The following VSTM2B variants were observed in gnomAD, a reference collection of about 807,000 sequenced individuals.
VSTM2B encodes V-set and transmembrane domain-containing protein 2B.
Under a neutral mutation model 24.0 loss-of-function variants are expected in VSTM2B, and 24 were observed. That is an observed-to-expected ratio of 1.00 (90% CI 0.72 to 1.40). The LOEUF (loss-of-function observed/expected upper bound fraction) is 1.40. Ranked by LOEUF, VSTM2B falls within the 40% of genes most tolerant of loss-of-function variation. The pLI, the probability that VSTM2B is intolerant of heterozygous loss-of-function variation, is 0.00. For missense variants in VSTM2B, 399 were observed against 416.4 expected (o/e 0.96, Z 0.36); for synonymous variants, 226 against 194.4 (o/e 1.16, Z -1.35).
In VSTM2B at chr19:29,547,574, G is replaced by A. The variant is rs534568292; in HGVS notation, c.770-16272G>A. On this transcript the variant is annotated intron_variant, in intron 4 of 4. Transcript: ENST00000335523. ...TTTTGGGTGGGGCTGCTTGCTGGGG[G>A]CTGAGGAGAGAGGGAGGCCCTAGGC... Among the ~76,000 whole-genome samples the A allele has an allele frequency of 1.4e-4, 22 of 152,304 alleles. No individual in the cohort carries two copies. The South Asian group carries it at 4.4e-3, about 30-fold the overall frequency.
intron 4 of VSTM2B, among the ~76,000 whole-genome samples, chr19:29,552,944 T>C (rs1970320145): frequency 6.6e-6 from 1 of 152,114 alleles, no homozygotes; most frequent in South Asian, 2.1e-4. Flanking sequence ...GCCAGGCGTA[T>C]AGGGACAGAG....
At chr19:29,548,299 A>T (rs949875159) in intron 4 of VSTM2B, among the ~76,000 whole-genome samples, 1 of 152,080 alleles carries the variant, frequency 6.6e-6, no homozygotes, top group Non-Finnish European at 1.5e-5. Context: ...CAGGGCCTGG[A>T]AGCGAGGGAC....
intron 4 of VSTM2B, among the ~76,000 whole-genome samples, chr19:29,533,629 C>T (rs545978114): frequency 2.6e-4 from 39 of 152,352 alleles, no homozygotes; most frequent in African/African-American, 8.2e-4. Flanking sequence ...CAAACACATC[C>T]GAACAGCCTT....
chr19:29,528,610 G>C (rs1568436068), intron 3 of VSTM2B, 148 bp downstream of exon 3: 2 of 992,480 alleles, frequency 2.0e-6, no homozygotes, highest in Admixed American at 2.6e-5. Context: ...GTGGCTGCTC[G>C]GCGTGTCCGG....
chr19:29,531,831 T>C (rs988867146), intron 4 of VSTM2B, among the ~76,000 whole-genome samples: 2 of 152,246 alleles, frequency 1.3e-5, no homozygotes, highest in African/African-American at 4.8e-5. Flanking sequence ...ATATTCCTCG[T>C]TCATATCAAG....
At chr19:29,538,884 C>T (rs879503322) in intron 4 of VSTM2B, among the ~76,000 whole-genome samples, 5 of 152,132 alleles carry the variant, frequency 3.3e-5, no homozygotes, top group African/African-American at 4.8e-5. Context: ...TACCTCCCAC[C>T]GGGACCCACC....
At chr19:29,530,913 C>T (rs114568055) in intron 4 of VSTM2B, among the ~76,000 whole-genome samples, 3,875 of 151,492 alleles carry the variant, frequency 0.026, 156 homozygotes, top group African/African-American at 0.087. Context: ...GCAGTAAGGA[C>T]TGAGCCCTAA....
intron 4 of VSTM2B, among the ~76,000 whole-genome samples, chr19:29,535,418 CTAAT>C (rs1461700869): frequency 6.6e-6 from 1 of 152,202 alleles, no homozygotes; most frequent in East Asian, 1.9e-4. Flanking sequence ...GTGTGAACCT[CTAAT>C]TAGCCTCAGG....
chr19:29,555,268 C>T (rs76681442), intron 4 of VSTM2B, among the ~76,000 whole-genome samples: 5,592 of 152,242 alleles, frequency 0.037, 119 homozygotes, highest in Middle Eastern at 0.065. Context: ...CAAAACCACA[C>T]GACCATATGA....
In VSTM2B at chr19:29,526,504, G is replaced by C; in HGVS notation, c.-80G>C. On this transcript the variant is annotated 5_prime_UTR_variant, in exon 1 of 5. Transcript: ENST00000335523. This position sits in a 1 kb window ranked among gnomAD's most constrained non-coding sequence, Gnocchi z 4.1. ...GGCAGGCTCGGAGGCGTCCTAGCCCGAGCCGGAGCCGATCCGAGCCCACGC... is the reference window on the plus strand; with the variant it reads ...GGCAGGCTCGGAGGCGTCCTAGCCCCAGCCGGAGCCGATCCGAGCCCACGC... 2 of 1,189,818 alleles carry C rather than the reference G, an allele frequency of 1.7e-6. No individual in the cohort carries two copies. The highest frequency in any genetic ancestry group is 2.2e-6 in the Non-Finnish European group (2 of 896,228). The allele number at this position is 1,189,818 out of a possible 1,614,324, so 73.7% of individuals were successfully genotyped here.
chr19:29,549,175 A>G (rs1050131259), intron 4 of VSTM2B, among the ~76,000 whole-genome samples: 18 of 152,352 alleles, frequency 1.2e-4, no homozygotes, highest in African/African-American at 3.8e-4. Context: ...CTCTGTGTGC[A>G]CCAAACTAGA....
intron 3 of VSTM2B, chr19:29,528,880 G>A: frequency 1.0e-6 from 1 of 981,068 alleles, no homozygotes; most frequent in Non-Finnish European, 1.2e-6. Context: ...TCTGCTCTGC[G>A]CCCTCCGCTG....
At position 29,525,996 on chromosome 19, in the gene VSTM2B, C is replaced by G. The variant is rs1969551456; in HGVS notation, c.-588C>G. Among the ~76,000 whole-genome samples the G allele has an allele frequency of 6.6e-6, 1 of 151,990 alleles. No homozygotes were observed. The highest frequency in any genetic ancestry group is 2.4e-5 in the African/African-American group (1 of 41,428). ...TCCCCTCCCCTCCCCCTCTCCCCGC[C>G]TCTCTCCGGCTCCGGGTCCGCCACG... On this transcript the variant is annotated 5_prime_UTR_variant, in exon 1 of 5. Transcript: ENST00000335523.
intron 4 of VSTM2B, among the ~76,000 whole-genome samples, chr19:29,532,341 T>A (rs974982623): frequency 1.3e-5 from 2 of 152,126 alleles, no homozygotes; most frequent in Non-Finnish European, 2.9e-5. Flanking sequence ...TCGGGCCTCA[T>A]CTCTTCACAG....
At chr19:29,533,198 C>A (rs957143721) in intron 4 of VSTM2B, among the ~76,000 whole-genome samples, 8 of 152,192 alleles carry the variant, frequency 5.3e-5, no homozygotes, top group Admixed American at 5.2e-4. Flanking sequence ...GCCATCCCAG[C>A]AGATAGGACC....
At chr19:29,528,294 T>C (rs538059362) in intron 2 of VSTM2B, 139 bp from the exon 3 acceptor site, 6 of 1,036,584 alleles carry the variant, frequency 5.8e-6, no homozygotes, top group Non-Finnish European at 8.6e-6. Context: ...GGACGTCCTT[T>C]GTGCCCTCAA....
At chr19:29,556,149 C>T (rs916256638) in intron 4 of VSTM2B, among the ~76,000 whole-genome samples, 7 of 147,830 alleles carry the variant, frequency 4.7e-5, no homozygotes, top group Non-Finnish European at 8.9e-5. Context: ...TGATGAACAT[C>T]GATGCAAAAA....
At chr19:29,540,261 G>A (rs148264843) in intron 4 of VSTM2B, among the ~76,000 whole-genome samples, 78 of 152,358 alleles carry the variant, frequency 5.1e-4, no homozygotes, top group African/African-American at 1.7e-3. Flanking sequence ...GGCAGACCTA[G>A]CCCCTGCCCC....
intron 4 of VSTM2B, among the ~76,000 whole-genome samples, chr19:29,557,568 G>A (rs1970438095): frequency 6.6e-6 from 1 of 152,060 alleles, no homozygotes; most frequent in Non-Finnish European, 1.5e-5. Flanking sequence ...GCGTGGTGGT[G>A]GATGCCTGTA....
Sources: allele counts gnomAD v4.1 joint callset (sites outside exome capture counted in the v4.1 genomes callset), GRCh38; gene constraint gnomAD v4.1.1; non-coding constraint Gnocchi (gnomAD v3.1); transcripts MANE v1.5; gene names NCBI Gene and HGNC (gene_info 2026-07-23, HGNC 2026-07-21).